The following PCDHA3 variants were observed in gnomAD, a reference collection of about 807,000 sequenced individuals.
PCDHA3 encodes the protein protocadherin alpha-3.
In PCDHA3, 41 loss-of-function variants were observed where a neutral mutation model predicts 62.2. The observed-to-expected ratio is 0.66, with a 90% CI of 0.51 to 0.86. PCDHA3 has a LOEUF of 0.86. Among genes scored for constraint, PCDHA3 ranks in the 40% least tolerant of loss-of-function variants. The pLI, the probability that PCDHA3 is intolerant of heterozygous loss-of-function variation, is 0.00. For missense variants in PCDHA3, 1,304 were observed against 1,241.2 expected, an observed-to-expected ratio of 1.05 and a Z score of -0.76; for synonymous variants, 640 against 555.4, an observed-to-expected ratio of 1.15 and a Z score of -2.14.
intron 1 of PCDHA3, chr5:140,851,006 T>G (rs2041921883): frequency 7.0e-7 from 1 of 1,437,372 alleles, no homozygotes; most frequent in Non-Finnish European, 9.2e-7. Flanking sequence ...TCCAGCAGAT[T>G]TTTTTTCTGA....
chr5:140,828,632 G>C, intron 1 of PCDHA3: 1 of 1,614,214 alleles, frequency 6.2e-7, no homozygotes, highest in Non-Finnish European at 8.5e-7. Context: ...CTTCGGGCTA[G>C]ATGTGAAAAT....
Position 140,875,692 on chromosome 5 carries a change from C to G in PCDHA3, c.2394+72101C>G, listed in dbSNP as rs781893034. On this transcript the variant is annotated intron_variant, in intron 1 of 3. Coordinates refer to ENST00000522353, the MANE Select transcript of PCDHA3 (RefSeq NM_018906.3). ...GGTGGCGTCCAAAAGACACGGGGAC[C>G]TTCTGGAGGTAAATCTGCAGAATGG... The G allele has an allele frequency of 3.7e-6, 6 of 1,613,938 alleles. No individual in the cohort carries two copies. In the African/African-American group the frequency reaches 5.3e-5, roughly 14 times the overall value.
At chr5:140,991,447 C>T (rs1554252191) in intron 3 of PCDHA3, among the ~76,000 whole-genome samples, 1 of 152,162 alleles carries the variant, frequency 6.6e-6, no homozygotes, top group African/African-American at 2.4e-5. Context: ...TGGCTTAAAA[C>T]AACACAATGT....
chr5:140,946,224 C>T (rs1450090999), intron 1 of PCDHA3, among the ~76,000 whole-genome samples: 1 of 151,786 alleles, frequency 6.6e-6, no homozygotes, highest in Non-Finnish European at 1.5e-5. Context: ...AACAGGTATA[C>T]TAAAAAATGC....
intron 1 of PCDHA3, chr5:140,870,710 C>T (rs782716335): frequency 6.2e-7 from 1 of 1,613,092 alleles, no homozygotes; most frequent in South Asian, 1.1e-5. Flanking sequence ...CAGGTGAGCG[C>T]GCGCGATGCG....
intron 1 of PCDHA3, chr5:140,928,319 AG>A: frequency 6.2e-7 from 1 of 1,614,200 alleles, no homozygotes. Flanking sequence ...GACCTGGGGA[AG>A]AATGGCCTTG....
At chr5:140,859,744 T>C (rs1554152696) in intron 1 of PCDHA3, 2 of 154,298 alleles carry the variant, frequency 1.3e-5, no homozygotes, top group African/African-American at 2.4e-5. Context: ...AAGCATGGCA[T>C]TCTTTCAGTG....
intron 1 of PCDHA3, chr5:140,821,569 G>A (rs1767002777): frequency 5.6e-6 from 3 of 538,590 alleles, no homozygotes; most frequent in South Asian, 7.1e-5. Context: ...GCTGGACACC[G>A]GAAGGTTTTT....
At position 140,829,810 on chromosome 5, in the gene PCDHA3, T is replaced by C. The variant is rs144082627; in HGVS notation, c.2394+26219T>C. The stretch of plus-strand genomic sequence containing the variant: ...TGCTGGCGCCTCGGGTGGGTGGTAC[T>C]GGTGGTGCAGTGAGCGAGCTGGTGC... On this transcript the variant is annotated intron_variant, in intron 1 of 3. Transcript: ENST00000522353. The C allele has an allele frequency of 1.0e-3, 1,632 of 1,613,866 alleles. 19 individuals are homozygous for C. In the African/African-American group the frequency reaches 0.019, roughly 19 times the overall value.
intron 1 of PCDHA3, among the ~76,000 whole-genome samples, chr5:140,845,454 C>T: frequency 6.7e-6 from 1 of 149,512 alleles, no homozygotes; most frequent in East Asian, 1.9e-4. Context: ...TTCTTCAACT[C>T]TCTGATATTT....
chr5:140,988,097 C>T (rs2097282934), intron 3 of PCDHA3, among the ~76,000 whole-genome samples: 1 of 152,084 alleles, frequency 6.6e-6, no homozygotes, highest in Admixed American at 6.5e-5. Flanking sequence ...AGCCTCGGGC[C>T]TTGTTGGAGA....
intron 1 of PCDHA3, chr5:140,928,814 A>T (rs782622875): frequency 5.6e-6 from 9 of 1,614,150 alleles, no homozygotes; most frequent in Non-Finnish European, 7.6e-6. Context: ...GTTCGGGACC[A>T]TGGAGACCCA....
chr5:140,933,244 A>G (rs1218658347), intron 1 of PCDHA3, among the ~76,000 whole-genome samples: 3 of 152,038 alleles, frequency 2.0e-5, no homozygotes, highest in African/African-American at 4.8e-5. Context: ...AGAAAGGACT[A>G]TAAACACAAA....
At chr5:140,998,415 C>T (rs1554256243) in intron 3 of PCDHA3, among the ~76,000 whole-genome samples, 1 of 152,158 alleles carries the variant, frequency 6.6e-6, no homozygotes, top group African/African-American at 2.4e-5. Context: ...GTTTATCTAC[C>T]TGGTTTATCC....
intron 1 of PCDHA3, chr5:140,926,588 C>A: frequency 3.4e-6 from 1 of 293,528 alleles, no homozygotes; most frequent in Admixed American, 5.0e-5. Context: ...CTCTCGCGCC[C>A]GGGCGGGCGG....
chr5:140,856,155 A>G (rs533990024), intron 1 of PCDHA3: 1 of 1,598,294 alleles, frequency 6.3e-7, no homozygotes, highest in African/African-American at 1.3e-5. Context: ...TCAGTCTACG[A>G]GGAGGCCAGA....
At chr5:140,822,499 G>T (rs1554128681) in intron 1 of PCDHA3, 2 of 1,613,848 alleles carry the variant, frequency 1.2e-6, no homozygotes, top group South Asian at 1.1e-5. Flanking sequence ...CCCAGAATTT[G>T]ATAAATCCAT....
intron 1 of PCDHA3, among the ~76,000 whole-genome samples, chr5:140,911,053 G>A (rs2075311912): frequency 6.6e-6 from 1 of 152,090 alleles, no homozygotes. Flanking sequence ...GGGGTGGTGG[G>A]GGGTGGGTCC....
intron 1 of PCDHA3, among the ~76,000 whole-genome samples, chr5:140,888,192 A>T (rs906159358): frequency 6.6e-6 from 1 of 152,120 alleles, no homozygotes; most frequent in Non-Finnish European, 1.5e-5. Context: ...TGAATTTTAC[A>T]TTGTCGGATG....
Sources: allele counts gnomAD v4.1 joint callset (sites outside exome capture counted in the v4.1 genomes callset), GRCh38; gene constraint gnomAD v4.1.1; transcripts MANE v1.5; gene names NCBI Gene and HGNC (gene_info 2026-07-23, HGNC 2026-07-21).